The following ANK3 variants were observed in gnomAD, a reference collection of about 807,000 sequenced individuals.
ANK3 encodes the protein ankyrin 3.
In ANK3, 57 loss-of-function variants were observed where a neutral mutation model predicts 370.9. The ratio of observed to expected loss-of-function variants is 0.15; its 90% CI spans 0.12 to 0.19. The LOEUF is 0.19. ANK3 is among the 10% of genes least tolerant of loss of function. ANK3 has a pLI of 1.00. For synonymous variants in ANK3, 1,929 were observed against 1,946.3 expected, an observed-to-expected ratio of 0.99 and a Z score of 0.23; for missense variants, 4,439 against 5,302.1, an observed-to-expected ratio of 0.84 and a Z score of 5.06.
Position 60,069,779 on chromosome 10 carries a change from G to C in ANK3, c.11102C>G (p.Ser3701Cys). ...ECQEGTSSSGSLEKSAAATNT... is the reference protein window; with the variant it reads ...ECQEGTSSSGCLEKSAAATNT... Reference sequence around the variant, plus strand: ...AGTGGCTGCTGCTGATTTCTCCAGGGAGCCACTACTGGATGTGCCTTCCTG... The same window carrying C: ...AGTGGCTGCTGCTGATTTCTCCAGGCAGCCACTACTGGATGTGCCTTCCTG... The change falls in exon 37 of 44, where the codon TCC becomes TGC. Residue 3701 changes from serine (S) to cysteine (C), a missense_variant. By Grantham distance (112) the Ser-to-Cys change is moderately radical (BLOSUM62 -1). Coordinates refer to ENST00000280772, the MANE Select transcript of ANK3 (RefSeq NM_020987.5). 6.2e-7 allele frequency: 1 copy of C among 1,614,046 alleles called. No homozygotes were observed. Among genetic ancestry groups the C allele is most frequent in the Non-Finnish European group, 8.5e-7 (1 of 1,179,996 alleles).
chr10:60,107,280 T>C (rs935424238), intron 27 of ANK3, among the ~76,000 whole-genome samples: 1 of 152,192 alleles, frequency 6.6e-6, no homozygotes, highest in Non-Finnish European at 1.5e-5. Flanking sequence ...ACCAGAGTTT[T>C]TAACTACACC....
At position 60,287,865 on chromosome 10, in the gene ANK3, G is replaced by T. The variant is rs12219495; in HGVS notation, c.115-8226C>A. Reference sequence around the variant, plus strand: ...GCAGAGTTGTGTGTGCCTATCTTCAGTTTCGCCCCCAATAGGTCTACTCTT... The same window carrying T: ...GCAGAGTTGTGTGTGCCTATCTTCATTTTCGCCCCCAATAGGTCTACTCTT... On this transcript the variant is annotated intron_variant, in intron 1 of 43. Transcript: ENST00000280772. Among the ~76,000 whole-genome samples, 5 of 152,080 alleles carry T rather than the reference G, an allele frequency of 3.3e-5. No homozygotes were observed. In the East Asian group the frequency reaches 9.7e-4, roughly 29 times the overall value.
intron 1 of ANK3, among the ~76,000 whole-genome samples, chr10:60,650,205 C>A (rs1013482488): frequency 2.0e-4 from 30 of 152,094 alleles, no homozygotes; most frequent in African/African-American, 7.2e-4. Flanking sequence ...TGGCAAGGGG[C>A]CAAATCCAGC....
At chr10:60,458,787 C>A (rs984633450) in intron 2 of ANK3, among the ~76,000 whole-genome samples, 4 of 152,104 alleles carry the variant, frequency 2.6e-5, no homozygotes, top group African/African-American at 9.7e-5. Context: ...CCAATTATTT[C>A]ATTGGAATTA....
chr10:60,481,716 G>T (rs547847850), intron 2 of ANK3, among the ~76,000 whole-genome samples: 1 of 152,038 alleles, frequency 6.6e-6, no homozygotes, highest in South Asian at 2.1e-4. Context: ...TGCCTGCCTC[G>T]GCCTCCCAAA....
At chr10:60,315,179 C>A (rs1037890128) in intron 1 of ANK3, among the ~76,000 whole-genome samples, 2 of 152,034 alleles carry the variant, frequency 1.3e-5, no homozygotes, top group Non-Finnish European at 2.9e-5. Flanking sequence ...AACTGTAGGG[C>A]CAGAGATAGA....
chr10:60,188,317 G>T (rs2096395725), intron 16 of ANK3, among the ~76,000 whole-genome samples: 1 of 152,118 alleles, frequency 6.6e-6, no homozygotes, highest in Admixed American at 6.5e-5. Context: ...AAAGAGTTTT[G>T]GGGGATGTTG....
intron 1 of ANK3, among the ~76,000 whole-genome samples, chr10:60,301,150 C>G (rs35590836): frequency 0.14 from 19,817 of 144,268 alleles, 1,452 homozygotes; most frequent in African/African-American, 0.16. Context: ...ATATATGTAT[C>G]TGTGTGTGTA....
intron 23 of ANK3, among the ~76,000 whole-genome samples, chr10:60,155,620 T>TTC (rs1440306783): frequency 6.6e-6 from 1 of 152,190 alleles, no homozygotes; most frequent in Non-Finnish European, 1.5e-5. Flanking sequence ...CCTGGGTGTG[T>TTC]CTGTGAGGGT....
intron 25 of ANK3, among the ~76,000 whole-genome samples, chr10:60,128,750 T>G (rs1255935498): frequency 1.3e-5 from 2 of 152,214 alleles, no homozygotes; most frequent in Non-Finnish European, 2.9e-5. Flanking sequence ...AACTTAATAC[T>G]GCTAAATCAC....
intron 42 of ANK3, chr10:60,043,522 T>G (rs1043300852): frequency 2.0e-6 from 2 of 985,444 alleles, no homozygotes; most frequent in Non-Finnish European, 2.4e-6. Context: ...ATTCTTTAAC[T>G]GGCACATTGG....
intron 1 of ANK3, among the ~76,000 whole-genome samples, chr10:60,367,759 C>A (rs915689111): frequency 3.3e-5 from 5 of 152,194 alleles, no homozygotes; most frequent in Non-Finnish European, 7.3e-5. Flanking sequence ...ACTCCTGTGT[C>A]CTCAGTGACA....
chr10:60,262,938 T>C (rs1266719290), intron 6 of ANK3, among the ~76,000 whole-genome samples: 1 of 152,150 alleles, frequency 6.6e-6, no homozygotes, highest in Admixed American at 6.5e-5. Flanking sequence ...AAAGCCCTGG[T>C]AATCAAACTA....
chr10:60,638,611 G>A (rs1283059939), intron 1 of ANK3, among the ~76,000 whole-genome samples: 1 of 151,740 alleles, frequency 6.6e-6, no homozygotes, highest in East Asian at 1.9e-4. Flanking sequence ...TGTTAACAAA[G>A]TTATTTAAAA....
intron 42 of ANK3, among the ~76,000 whole-genome samples, chr10:60,053,382 C>T (rs551876453): frequency 6.6e-6 from 1 of 152,272 alleles, no homozygotes; most frequent in South Asian, 2.1e-4. Flanking sequence ...AAAGCAAACA[C>T]AAACAACAAA....
At chr10:60,438,696 G>A (rs771304031) in intron 2 of ANK3, among the ~76,000 whole-genome samples, 7 of 152,304 alleles carry the variant, frequency 4.6e-5, no homozygotes, top group Admixed American at 6.5e-5. Flanking sequence ...AGCCTTGAGC[G>A]GCCAGCAGTA....
chr10:60,519,054 G>A (rs2153522), intron 2 of ANK3, among the ~76,000 whole-genome samples: 31,844 of 152,042 alleles, frequency 0.21, 3,607 homozygotes, highest in South Asian at 0.35. Context: ...ATGCTGGAGA[G>A]CACAGTAAGA....
At chr10:60,181,506 G>A (rs938661687) in intron 17 of ANK3, 79 bp from the exon 18 acceptor site, 4 of 1,320,020 alleles carry the variant, frequency 3.0e-6, no homozygotes, top group South Asian at 1.2e-5. Context: ...AACCATTTGT[G>A]AATTCTAAGA....
intron 16 of ANK3, among the ~76,000 whole-genome samples, chr10:60,190,742 T>C (rs1475554571): frequency 6.6e-6 from 1 of 152,152 alleles, no homozygotes; most frequent in Non-Finnish European, 1.5e-5. Flanking sequence ...AATCCTAAAA[T>C]TCATACGGAA....
Sources: allele counts gnomAD v4.1 joint callset (sites outside exome capture counted in the v4.1 genomes callset), GRCh38; gene constraint gnomAD v4.1.1; transcripts MANE v1.5; gene names NCBI Gene and HGNC (gene_info 2026-07-23, HGNC 2026-07-21).